Variants in ZNF837 observed in about 807,000 individuals in gnomAD.
ZNF837 encodes the protein zinc finger protein 837.
For missense variants in ZNF837, 955 were observed against 801.7 expected (o/e 1.19, Z -2.31); for synonymous variants, 475 against 365.2 (o/e 1.30, Z -3.43).
At chr19:58,376,554 C>CAAAAAAAAAAAAAAAAAAAAAAAAAAAA (rs59075587) in intron 1 of ZNF837, among the ~76,000 whole-genome samples, 5 of 67,768 alleles carry the variant, frequency 7.4e-5, no homozygotes, top group East Asian at 3.2e-4. Context: ...GACTCTGTCT[C>CAAAAAAAAAAAAAAAAAAAAAAAAAAAA]AAAAAAAAAA....
chr19:58,374,829 G>A (rs1215108830), intron 1 of ZNF837, among the ~76,000 whole-genome samples: 1 of 151,646 alleles, frequency 6.6e-6, no homozygotes, highest in Admixed American at 6.6e-5. Context: ...AGCTACTTGG[G>A]AGACTGAGGC....
rs1049023126 is a variant in ZNF837 at position 58,368,284 on chromosome 19, C to T, written c.1049G>A (p.Arg350Gln). ...GGCTCCCGACCCCCGTCGGGGACTC[C>T]GCTCGCTGTAGTCCCCGCAGGGCGG... ...GCPPCGDYSE[R>Q]SPRRGSGAGE... Residue 350 changes from arginine to glutamine, a missense_variant, in exon 3 of 3, where the codon CGG becomes CAG. Physicochemically the swap from Arg to Gln is conservative, Grantham distance 43. Transcript: ENST00000597582. 2.0e-6 allele frequency: 3 copies of T among 1,481,224 alleles called. No homozygotes were observed. The highest frequency in any genetic ancestry group is 1.3e-5 in the South Asian group (1 of 74,786). 91.8% of individuals were successfully genotyped at this position (1,481,224 alleles called of 1,614,324 possible).
intron 1 of ZNF837, among the ~76,000 whole-genome samples, chr19:58,378,665 C>T (rs2122137765): frequency 6.6e-6 from 1 of 152,366 alleles, no homozygotes; most frequent in East Asian, 1.9e-4. Flanking sequence ...AAAGATATAT[C>T]CAATGTCCTA....
Position 58,368,961 on chromosome 19 carries a change from G to T in ZNF837, c.372C>A (p.Cys124Ter). 6.5e-7 allele frequency: 1 copy of T among 1,539,194 alleles called. No individual in the cohort carries two copies. Among genetic ancestry groups the T allele is most frequent in the South Asian group, 1.2e-5 (1 of 83,134 alleles). ...GCCACGCCAGGCAGGAGTTCCTGCT[G>T]CAGTCCCCGCCACGCGCTGGGCTCC... ...PCRSPARGGD[C>*]SRNSCLAWHR... Residue 124 changes from cysteine (C) to a stop codon, truncating the protein, a stop_gained, in exon 3 of 3, where the codon TGC becomes TGA. Transcript: ENST00000597582. LOFTEE classifies it low-confidence loss of function (END_TRUNC).
At position 58,369,060 on chromosome 19, in the gene ZNF837, C is replaced by A; in HGVS notation, c.273G>T (p.Pro91=). 1 of 1,518,774 alleles carries A rather than the reference C, an allele frequency of 6.6e-7. No individual in the cohort carries two copies. Among genetic ancestry groups the A allele is most frequent in the Non-Finnish European group, 8.8e-7 (1 of 1,132,326 alleles). 94.1% of individuals were successfully genotyped at this position (1,518,774 alleles called of 1,614,324 possible). The change falls in exon 3 of 3, where the codon CCG becomes CCT. Residue 91 remains proline (P), a synonymous_variant. Coordinates refer to ENST00000597582, the MANE Select transcript of ZNF837 (RefSeq NM_138466.2). The part of the protein sequence containing the change: ...SAGTRPLVRE[P]CGPTSSQNPE... The stretch of plus-strand genomic sequence containing the variant: ...GGTTCTGAGAAGAGGTGGGGCCGCA[C>A]GGCTCCCGCACGAGGGGTCTGGTCC...
intron 1 of ZNF837, among the ~76,000 whole-genome samples, chr19:58,372,079 G>T (rs1259167495): frequency 1.3e-5 from 2 of 150,436 alleles, no homozygotes; most frequent in African/African-American, 4.9e-5. Context: ...TTAGAGACAG[G>T]GTTTCACTCT....
At chr19:58,374,533 G>C (rs1450667452) in intron 1 of ZNF837, among the ~76,000 whole-genome samples, 1 of 152,104 alleles carries the variant, frequency 6.6e-6, no homozygotes, top group African/African-American at 2.4e-5. Flanking sequence ...TGAGGGGAAA[G>C]AGTGGGGAGT....
At chr19:58,369,470 A>C (rs2052180635) in intron 2 of ZNF837, 109 bp from the exon 3 acceptor site, 1 of 909,348 alleles carries the variant, frequency 1.1e-6, no homozygotes, top group Non-Finnish European at 1.5e-6. Context: ...GGCGGCCCCC[A>C]GCTCTCTGCA....
chr19:58,368,415 CTTG>C lies in ZNF837; in HGVS notation c.915_917del (p.Lys306del). On this transcript the variant is annotated inframe_deletion, in exon 3 of 3. Coordinates refer to ENST00000597582, the MANE Select transcript of ZNF837 (RefSeq NM_138466.2). ...ACAGGCCGGAGCAGCGCACGAAGGC[CTTG>C]CCGCACTCGGCGCACTCGTAGGGCC... The C allele has an allele frequency of 2.6e-6, 4 of 1,548,586 alleles. No individual in the cohort carries two copies. Among genetic ancestry groups the C allele is most frequent in the Non-Finnish European group, 3.5e-6 (4 of 1,149,366 alleles).
intron 2 of ZNF837, among the ~76,000 whole-genome samples, 164 bp from the exon 3 acceptor site, chr19:58,369,525 C>T (rs2052181133): frequency 6.6e-6 from 1 of 152,136 alleles, no homozygotes; most frequent in African/African-American, 2.4e-5. Context: ...CCGTCCTGCC[C>T]CTCTTCAAAT....
At position 58,368,064 on chromosome 19, in the gene ZNF837, C is replaced by A; in HGVS notation, c.1269G>T (p.Leu423=). ...HSSAKPYACP[L]CEKAFKGRSG... is the part of the protein sequence containing the mutation. ...AGCGGCCCTTGAAGGCCTTTTCGCA[C>A]AGTGGGCACGCGTAGGGCTTGGCGC... Residue 423 remains leucine, a synonymous_variant, in exon 3 of 3, where the codon CTG becomes CTT. Transcript: ENST00000597582. The A allele has an allele frequency of 6.5e-7, 1 of 1,542,580 alleles. No individual in the cohort carries two copies. Among genetic ancestry groups the A allele is most frequent in the South Asian group, 1.2e-5 (1 of 84,400 alleles).
Position 58,369,074 on chromosome 19 carries a change from G to C in ZNF837, c.259C>G (p.Leu87Val). The C allele has an allele frequency of 6.6e-7, 1 of 1,520,896 alleles. No homozygotes were observed. The highest frequency in any genetic ancestry group is 8.8e-7 in the Non-Finnish European group (1 of 1,133,068). 94.2% of individuals were successfully genotyped at this position (1,520,896 alleles called of 1,614,324 possible). A position where few individuals can be genotyped will look rare whatever the true frequency, so the allele number is the denominator to read the frequency against. ...GTGGGGCCGCACGGCTCCCGCACGA[G>C]GGGTCTGGTCCCGGCGCTGTGCCGG... is the stretch of plus-strand genomic sequence containing the variant. Reference protein sequence around the residue: ...GTRHSAGTRPLVREPCGPTSS... With the variant: ...GTRHSAGTRPVVREPCGPTSS... Residue 87 changes from leucine to valine, a missense_variant, in exon 3 of 3, where the codon CTC (leucine) becomes GTC (valine). By Grantham distance (32) the Leu-to-Val change is conservative. Coordinates refer to ENST00000597582, the MANE Select transcript of ZNF837 (RefSeq NM_138466.2).
At position 58,372,433 on chromosome 19, in the gene ZNF837, CG is replaced by C. The variant is rs34146307; in HGVS notation, c.-139-2506del. Among the ~76,000 whole-genome samples the C allele has an allele frequency of 1.2e-3, 184 of 151,628 alleles. 2 individuals carry two copies. Among genetic ancestry groups the C allele is most frequent in the African/African-American group, 4.2e-3 (173 of 41,344 alleles). ...CTGTAATCCCAACACTTGGGGAGTC[CG>C]GGGGGGGCGGATCACGAGGTCAAGA... On this transcript the variant is annotated intron_variant, in intron 1 of 2. Transcript: ENST00000597582.
In ZNF837 at chr19:58,368,663, G is replaced by C. The variant is rs1291983547; in HGVS notation, c.670C>G (p.Pro224Ala). 1 of 1,529,502 alleles carries C rather than the reference G, an allele frequency of 6.5e-7. No homozygotes were observed. Among genetic ancestry groups the C allele is most frequent in the Non-Finnish European group, 8.8e-7 (1 of 1,142,750 alleles). 94.7% of individuals were successfully genotyped at this position (1,529,502 alleles called of 1,614,324 possible). Residue 224 changes from proline (P) to alanine (A), a missense_variant, in exon 3 of 3, where the codon CCC becomes GCC. Physicochemically the swap from Pro to Ala is conservative, Grantham distance 27 (BLOSUM62 -1). Coordinates refer to ENST00000597582, the MANE Select transcript of ZNF837 (RefSeq NM_138466.2). ...TTCCCGCACCGGGCACACGGACGGG[G>C]CTCCTCCGTCGCCTGCAGCCTCTCC... The part of the protein sequence containing the change: ...PQERLQATEE[P>A]RPCARCGKRF...
Position 58,368,971 on chromosome 19 carries a change from C to T in ZNF837, c.362G>A (p.Gly121Asp). The T allele has an allele frequency of 6.5e-7, 1 of 1,534,382 alleles. No individual in the cohort carries two copies. The highest frequency in any genetic ancestry group is 8.8e-7 in the Non-Finnish European group (1 of 1,137,316). Residue 121 changes from glycine (G) to aspartate (D), a missense_variant, in exon 3 of 3, where the codon GGC (glycine) becomes GAC (aspartate). Gly to Asp is a moderately conservative substitution (Grantham distance 94). Transcript: ENST00000597582. ...GCAGGAGTTCCTGCTGCAGTCCCCGCCACGCGCTGGGCTCCTACAGGGGCC... is the reference window on the plus strand; with the variant it reads ...GCAGGAGTTCCTGCTGCAGTCCCCGTCACGCGCTGGGCTCCTACAGGGGCC... ...REGPCRSPAR[G>D]GDCSRNSCLA...
At chr19:58,376,048 A>T (rs2052242565) in intron 1 of ZNF837, among the ~76,000 whole-genome samples, 1 of 151,386 alleles carries the variant, frequency 6.6e-6, no homozygotes, top group African/African-American at 2.4e-5. Flanking sequence ...CCTGGCGAGT[A>T]GCTGGGATTA....
rs577128771 is a variant in ZNF837 at position 58,374,723 on chromosome 19, G to A, written c.-139-4795C>T. Among the ~76,000 whole-genome samples, 4 of 152,192 alleles carry A rather than the reference G, an allele frequency of 2.6e-5. No homozygotes were observed. In the East Asian group the frequency reaches 5.8e-4, roughly 22 times the overall value. Reference sequence around the variant, plus strand: ...AGGCGAAGGTGGGAAGATTACTTGAGGCCAGTTCGAGACCAGCCTGGCCAA... The same window carrying A: ...AGGCGAAGGTGGGAAGATTACTTGAAGCCAGTTCGAGACCAGCCTGGCCAA... On this transcript the variant is annotated intron_variant, in intron 1 of 2. Coordinates refer to ENST00000597582, the MANE Select transcript of ZNF837 (RefSeq NM_138466.2).
intron 1 of ZNF837, among the ~76,000 whole-genome samples, chr19:58,376,548 C>G (rs937881148): frequency 1.4e-5 from 1 of 70,628 alleles, no homozygotes; most frequent in Non-Finnish European, 2.4e-5. Flanking sequence ...GAGCAAGACT[C>G]TGTCTCAAAA....
intron 1 of ZNF837, among the ~76,000 whole-genome samples, chr19:58,377,684 C>G (rs543996349): frequency 1.3e-5 from 2 of 152,170 alleles, no homozygotes; most frequent in Non-Finnish European, 1.5e-5. Flanking sequence ...TGAACATGCT[C>G]GCTGGGAATG....
Sources: gnomAD v4.1 joint callset for allele counts (sites outside exome capture counted in the v4.1 genomes callset) on GRCh38, gnomAD v4.1.1 for gene constraint, MANE v1.5 for transcripts, NCBI Gene and HGNC (gene_info 2026-07-23, HGNC 2026-07-21) for gene names.